The following ZC3H12B variants were observed in gnomAD, a reference collection of about 807,000 sequenced individuals.
ZC3H12B encodes the protein probable ribonuclease ZC3H12B.
In ZC3H12B, 7 loss-of-function variants were observed where a neutral mutation model predicts 43.9. The ratio of observed to expected loss-of-function variants is 0.16; its 90% CI spans 0.09 to 0.30. ZC3H12B has a LOEUF of 0.30. ZC3H12B is among the 10% of genes least tolerant of loss of function. ZC3H12B has a pLI of 1.00. For synonymous variants in ZC3H12B, 222 were observed against 241.7 expected, an observed-to-expected ratio of 0.92 and a Z score of 0.76; for missense variants, 475 against 670.2, an observed-to-expected ratio of 0.71 and a Z score of 3.22.
chrX:65,306,799 G>C, the ZC3H12B span, among the ~76,000 whole-genome samples: 65 of 112,538 alleles, frequency 5.8e-4, no homozygotes, highest in African/African-American at 2.1e-3. Context: ...GAGTGAATAA[G>C]AAAGGTGTTG....
At chrX:65,323,444 T>C in the ZC3H12B span, among the ~76,000 whole-genome samples, 2 of 111,796 alleles carry the variant, frequency 1.8e-5, no homozygotes, top group African/African-American at 6.5e-5. Context: ...ACATGTGGTG[T>C]TTGGTTTTCT....
At chrX:65,243,192 C>T in the ZC3H12B span, among the ~76,000 whole-genome samples, 3 of 111,700 alleles carry the variant, frequency 2.7e-5, no homozygotes, top group South Asian at 1.1e-3. Context: ...AGAGATAAAA[C>T]AGAATTGGAG....
At chrX:65,135,166 A>C in the ZC3H12B span, among the ~76,000 whole-genome samples, 2 of 111,304 alleles carry the variant, frequency 1.8e-5, no homozygotes, top group Admixed American at 9.5e-5. Context: ...TTTCCTAGTG[A>C]AGTGTATAAA....
chrX:65,058,676 G>T, the ZC3H12B span, among the ~76,000 whole-genome samples: 1 of 112,068 alleles, frequency 8.9e-6, no homozygotes, highest in South Asian at 3.7e-4. Flanking sequence ...CCACAGAGGT[G>T]GAGTCTACAG....
chrX:65,092,176 G>A, the ZC3H12B span, among the ~76,000 whole-genome samples: 3 of 111,927 alleles, frequency 2.7e-5, no homozygotes, highest in East Asian at 2.8e-4. Flanking sequence ...CCTGAGAAGC[G>A]AGCAGATGCC....
intron 2 of ZC3H12B, among the ~76,000 whole-genome samples, chrX:65,385,421 G>A (rs1458057113): frequency 2.8e-4 from 31 of 111,362 alleles, no homozygotes; most frequent in Non-Finnish European, 5.1e-4. Flanking sequence ...ATTGTGAATG[G>A]GAGTTCACTC....
chrX:65,133,554 G>T, the ZC3H12B span, among the ~76,000 whole-genome samples: 1 of 111,710 alleles, frequency 9.0e-6, no homozygotes, highest in Non-Finnish European at 1.9e-5. Context: ...TATGCCTTCA[G>T]CTCCAGCCAC....
At chrX:65,122,854 A>C in the ZC3H12B span, among the ~76,000 whole-genome samples, 3 of 111,752 alleles carry the variant, frequency 2.7e-5, no homozygotes, top group Admixed American at 1.9e-4. Flanking sequence ...ATATATATGC[A>C]TCCAATACAG....
At chrX:65,161,142 C>A in the ZC3H12B span, among the ~76,000 whole-genome samples, 1 of 111,277 alleles carries the variant, frequency 9.0e-6, no homozygotes, top group African/African-American at 3.3e-5. Context: ...GTTATAATTT[C>A]TGTTCTTTTA....
At chrX:65,192,792 A>ATAGG in the ZC3H12B span, among the ~76,000 whole-genome samples, 3 of 110,974 alleles carry the variant, frequency 2.7e-5, no homozygotes, top group Non-Finnish European at 3.8e-5. Flanking sequence ...AGATAGATAG[A>ATAGG]TAGATAGATA....
chrX:65,214,453 T>C, the ZC3H12B span, among the ~76,000 whole-genome samples: 1 of 111,793 alleles, frequency 8.9e-6, no homozygotes, highest in Non-Finnish European at 1.9e-5. Flanking sequence ...TCCACAATGT[T>C]CACATCATTT....
At chrX:65,036,441 TTGAGCTA>T in the ZC3H12B span, among the ~76,000 whole-genome samples, 1 of 111,558 alleles carries the variant, frequency 9.0e-6, no homozygotes, top group South Asian at 3.7e-4. Flanking sequence ...GTAAATGCTT[TTGAGCTA>T]AAGATTTTTA....
At chrX:65,101,770 C>A in the ZC3H12B span, among the ~76,000 whole-genome samples, 1 of 111,878 alleles carries the variant, frequency 8.9e-6, no homozygotes, top group Non-Finnish European at 1.9e-5. Flanking sequence ...ACCAAAAAAG[C>A]CAGGACCACA....
chrX:65,302,562 A>AT, the ZC3H12B span, among the ~76,000 whole-genome samples: 1 of 112,328 alleles, frequency 8.9e-6, no homozygotes, highest in Admixed American at 9.4e-5. Context: ...GTAAGAAAAT[A>AT]TTTTGAAGAT....
intron 1 of ZC3H12B, among the ~76,000 whole-genome samples, chrX:65,496,190 T>A (rs2148234938): frequency 8.9e-6 from 1 of 112,490 alleles, no homozygotes; most frequent in Non-Finnish European, 1.9e-5. Flanking sequence ...TATTTTTTCT[T>A]TTCTCTTTCA....
chrX:65,459,350 C>T (rs1190328392), intron 3 of ZC3H12B, among the ~76,000 whole-genome samples: 1 of 112,043 alleles, frequency 8.9e-6, no homozygotes, highest in African/African-American at 3.3e-5. Flanking sequence ...CTCCCTAACT[C>T]ATTTTATGAG....
chrX:65,245,170 A>G, the ZC3H12B span, among the ~76,000 whole-genome samples: 10 of 111,964 alleles, frequency 8.9e-5, no homozygotes, highest in South Asian at 3.8e-3. Context: ...CTGAATACAT[A>G]CAACCTCCCA....
chrX:65,150,057 C>T, the ZC3H12B span, among the ~76,000 whole-genome samples: 11 of 110,339 alleles, frequency 1.0e-4, no homozygotes, highest in South Asian at 3.0e-3. Context: ...ACCCCAGTGT[C>T]GTGTTTTATT....
intron 2 of ZC3H12B, among the ~76,000 whole-genome samples, chrX:65,498,778 C>T (rs1230109586): frequency 2.7e-5 from 3 of 111,901 alleles, no homozygotes; most frequent in Non-Finnish European, 5.6e-5. Flanking sequence ...GAATCCAGTT[C>T]CTTCATTTTA....
Sources: gnomAD v4.1 joint callset for allele counts (sites outside exome capture counted in the v4.1 genomes callset) on GRCh38, gnomAD v4.1.1 for gene constraint, MANE v1.5 for transcripts, NCBI Gene and HGNC (gene_info 2026-07-23, HGNC 2026-07-21) for gene names.